Variants in FBXO11 observed in about 807,000 individuals in gnomAD.
The protein encoded by FBXO11 is F-box protein 11, also known as F-box only protein 11.
A neutral mutation model predicts 117.0 loss-of-function variants in FBXO11; 13 were observed. That is an observed-to-expected ratio of 0.11 (90% confidence interval 0.07 to 0.18). The LOEUF is 0.18. Among genes scored for constraint, FBXO11 ranks in the 10% least tolerant of loss-of-function variants. FBXO11 has a pLI of 1.00. For missense variants in FBXO11, 767 were observed against 1,164.4 expected (o/e 0.66, Z 4.97); for synonymous variants, 490 against 380.5 (o/e 1.29, Z -3.35).
intron 1 of FBXO11, among the ~76,000 whole-genome samples, chr2:47,892,650 C>G (rs1346258187): frequency 6.6e-6 from 1 of 152,150 alleles, no homozygotes; most frequent in African/African-American, 2.4e-5. Flanking sequence ...TATGAGGAAA[C>G]AAAATGTTGT....
At chr2:47,832,295 T>G in intron 11 of FBXO11, 54 bp downstream of exon 11, 1 of 1,459,428 alleles carries the variant, frequency 6.9e-7, no homozygotes, top group Non-Finnish European at 9.3e-7. Flanking sequence ...GAAACATACT[T>G]GGAATTTAAC....
chr2:47,898,088 C>T (rs947354889), intron 1 of FBXO11, among the ~76,000 whole-genome samples: 6 of 152,132 alleles, frequency 3.9e-5, no homozygotes, highest in African/African-American at 9.7e-5. Flanking sequence ...CATTTAACAA[C>T]GGGGTTTTTA....
At position 47,835,993 on chromosome 2, in the gene FBXO11, A is replaced by G; in HGVS notation, c.596T>C (p.Leu199Ser). 6.3e-7 allele frequency: 1 copy of G among 1,597,536 alleles called. No homozygotes were observed. Among genetic ancestry groups the G allele is most frequent in the Non-Finnish European group, 8.5e-7 (1 of 1,172,132 alleles). The change falls in exon 5 of 23, where the codon TTA (leucine) becomes TCA (serine). Residue 199 changes from leucine to serine, a missense_variant. Transcript: ENST00000403359. ...AGTATATTCAAATACTTCCATATAT[A>G]ATCGTTTCCTGAACAGAGAAAGGAA... The part of the protein sequence containing the change: ...LANDPILWKR[L>S]YMEVFEYTRP...
intron 1 of FBXO11, among the ~76,000 whole-genome samples, chr2:47,874,025 C>T (rs1675814877): frequency 6.6e-6 from 1 of 151,920 alleles, no homozygotes; most frequent in Non-Finnish European, 1.5e-5. Flanking sequence ...CCAGCCTGGC[C>T]AACATAGTGA....
At chr2:47,872,467 G>C in intron 1 of FBXO11, among the ~76,000 whole-genome samples, 1 of 152,118 alleles carries the variant, frequency 6.6e-6, no homozygotes, top group East Asian at 1.9e-4. Context: ...GGGACTACAG[G>C]AGTGCGCCAC....
intron 11 of FBXO11, 37 bp from the exon 12 acceptor site, chr2:47,823,397 T>A: frequency 3.5e-6 from 5 of 1,435,456 alleles, no homozygotes; most frequent in Non-Finnish European, 4.7e-6. Flanking sequence ...AGGTAAAGCC[T>A]ACTTTACAAA....
intron 1 of FBXO11, among the ~76,000 whole-genome samples, chr2:47,897,686 G>C (rs1367905329): frequency 1.7e-5 from 2 of 118,568 alleles, no homozygotes; most frequent in African/African-American, 6.5e-5. Context: ...GACAGAGTGA[G>C]ACTGTGTCTT....
chr2:47,889,627 G>T (rs563524788), intron 1 of FBXO11, among the ~76,000 whole-genome samples: 1 of 93,214 alleles, frequency 1.1e-5, no homozygotes, highest in African/African-American at 6.2e-5. Flanking sequence ...CTTAGAAAGT[G>T]AGAGGGTTTT....
intron 14 of FBXO11, among the ~76,000 whole-genome samples, chr2:47,820,113 T>G (rs577548977): frequency 5.3e-5 from 8 of 152,282 alleles, no homozygotes; most frequent in African/African-American, 1.7e-4. Context: ...AATAAAAAGG[T>G]GTTTCTCTTA....
rs947694739 is a variant in FBXO11, at chr2:47,906,245, C to A, written c.-525G>T. On this transcript the variant is annotated 5_prime_UTR_variant, in exon 1 of 23. Coordinates refer to ENST00000403359, the MANE Select transcript of FBXO11 (RefSeq NM_001190274.2). ...CTTTTTTTTCCCTCTTCCTCCCCCC[C>A]ACACCCCCTGAAAGAGATTTCTGTG... 2.7e-4 allele frequency: 45 copies of A among 166,398 alleles called. No homozygotes were observed. Among genetic ancestry groups the A allele is most frequent in the South Asian group, 7.5e-4 (6 of 7,970 alleles). 10.3% of individuals were successfully genotyped at this position (166,398 alleles called of 1,614,324 possible).
intron 1 of FBXO11, among the ~76,000 whole-genome samples, chr2:47,860,607 G>C (rs1484418163): frequency 6.6e-6 from 1 of 151,366 alleles, no homozygotes; most frequent in Non-Finnish European, 1.5e-5. Flanking sequence ...GGGTTTCACT[G>C]TGTTGCCCAG....
chr2:47,855,731 C>G (rs1433882682), intron 1 of FBXO11, among the ~76,000 whole-genome samples: 1 of 151,862 alleles, frequency 6.6e-6, no homozygotes, highest in Non-Finnish European at 1.5e-5. Flanking sequence ...ACTTGGGAGG[C>G]TGAGGCAGGA....
chr2:47,879,727 T>C (rs1411069857), intron 1 of FBXO11, among the ~76,000 whole-genome samples: 1 of 152,250 alleles, frequency 6.6e-6, no homozygotes, highest in Non-Finnish European at 1.5e-5. Context: ...AAATAAGTTT[T>C]ACCAGTTTTG....
At chr2:47,814,701 G>A (rs72876841) in intron 16 of FBXO11, among the ~76,000 whole-genome samples, 5,546 of 152,164 alleles carry the variant, frequency 0.036, 327 homozygotes, top group African/African-American at 0.13. Context: ...CTTAAAATAA[G>A]ACAATTAAGT....
In FBXO11 at chr2:47,904,171, T is replaced by C. The variant is rs529947161; in HGVS notation, c.232+1318A>G. ...AAATAATGTATAATTTTAAAAAACA[T>C]TTAATCTCAATCCCTTTAACCAATG... is the stretch of plus-strand genomic sequence containing the variant. On this transcript the variant is annotated intron_variant, in intron 1 of 22. Transcript: ENST00000403359. Among the ~76,000 whole-genome samples the C allele has an allele frequency of 1.4e-4, 21 of 152,342 alleles. No homozygotes were observed. The South Asian group carries it at 4.3e-3, about 32-fold the overall frequency.
intron 1 of FBXO11, among the ~76,000 whole-genome samples, chr2:47,871,529 G>T (rs889193000): frequency 6.6e-6 from 1 of 152,004 alleles, no homozygotes; most frequent in Non-Finnish European, 1.5e-5. Context: ...AAACTAATAG[G>T]TATAAAATGA....
chr2:47,901,143 A>G (rs1678260486), intron 1 of FBXO11, among the ~76,000 whole-genome samples: 1 of 135,604 alleles, frequency 7.4e-6, no homozygotes, highest in African/African-American at 2.7e-5. Context: ...ATATATATAC[A>G]CACGTGTGTA....
intron 11 of FBXO11, among the ~76,000 whole-genome samples, chr2:47,830,336 G>T (rs773023086): frequency 1.3e-5 from 2 of 151,926 alleles, no homozygotes; most frequent in Non-Finnish European, 2.9e-5. Flanking sequence ...AGGGATTCTC[G>T]CATGGCAAGA....
intron 1 of FBXO11, among the ~76,000 whole-genome samples, chr2:47,885,468 G>C (rs1676757508): frequency 2.0e-5 from 3 of 152,060 alleles, no homozygotes; most frequent in African/African-American, 7.2e-5. Flanking sequence ...CCAGCTACTC[G>C]GGAGGCTGAG....
Sources: gnomAD v4.1 joint callset for allele counts (sites outside exome capture counted in the v4.1 genomes callset) on GRCh38, gnomAD v4.1.1 for gene constraint, MANE v1.5 for transcripts, NCBI Gene and HGNC (gene_info 2026-07-23, HGNC 2026-07-21) for gene names.